KMT2E: variants seen among roughly 807,000 people sequenced by gnomAD.
The protein encoded by KMT2E is histone reader KMT2E.
In KMT2E, 30 loss-of-function variants were observed where a neutral mutation model predicts 184.6. That is an observed-to-expected ratio of 0.16 (90% CI 0.12 to 0.22). KMT2E has a LOEUF of 0.22. Among genes scored for constraint, KMT2E ranks in the 10% least tolerant of loss-of-function variants. The probability of loss-of-function intolerance (pLI) is 1.00; values close to 1 mark genes in which losing one functional copy is unlikely to be tolerated. For missense variants in KMT2E, 2,023 were observed against 2,237.4 expected (o/e 0.90, Z 1.93); for synonymous variants, 815 against 776.5 (o/e 1.05, Z -0.82).
intron 6 of KMT2E, among the ~76,000 whole-genome samples, chr7:105,071,534 T>A (rs1297225916): frequency 3.5e-5 from 5 of 142,856 alleles, no homozygotes; most frequent in African/African-American, 1.3e-4. Flanking sequence ...CCCTGCTAAT[T>A]TGTGTGTGTA....
chr7:105,110,457 C>G lies in KMT2E; in HGVS notation c.3845-20C>G. On this transcript the variant is annotated intron_variant, in intron 24 of 26. Transcript: ENST00000311117. ...TGCAGCTCTAATGTTCTCTTTGGGT[C>G]TGCTCTGCTTCATCTCTAGGGGGAG... 1.2e-6 allele frequency: 2 copies of G among 1,614,134 alleles called. No individual in the cohort carries two copies. Among genetic ancestry groups the G allele is most frequent in the East Asian group, 2.2e-5 (1 of 44,878 alleles).
At chr7:105,076,939 C>T (rs187849387) in intron 9 of KMT2E, 24 bp from the exon 10 acceptor site, 6 of 1,327,614 alleles carry the variant, frequency 4.5e-6, no homozygotes, top group Non-Finnish European at 6.4e-6. Flanking sequence ...AGTCCAGATA[C>T]TAAAGCTCAG....
chr7:105,057,971 C>T (rs1404843885), intron 3 of KMT2E, among the ~76,000 whole-genome samples: 1 of 152,194 alleles, frequency 6.6e-6, no homozygotes, highest in Non-Finnish European at 1.5e-5. Context: ...GAAATTCACA[C>T]ATTGCGTTTG....
At chr7:105,101,650 GCATT>G (rs1798660441) in intron 16 of KMT2E, 61 bp downstream of exon 16, 3 of 1,304,934 alleles carry the variant, frequency 2.3e-6, no homozygotes, top group African/African-American at 1.6e-5. Context: ...GTCTATACTT[GCATT>G]AATTACTTAT....
At position 105,106,595 on chromosome 7, in the gene KMT2E, T is replaced by A; in HGVS notation, c.2670T>A (p.Pro890=). The change falls in exon 20 of 27, where the codon CCT becomes CCA. Residue 890 remains proline, a synonymous_variant. Transcript: ENST00000311117. ...LDSVYSETST[P]TPSPYATPTH... ...CGGTTTACTCAGAAACCTCCACACC[T>A]ACTCCTTCCCCGTATGCTACACCAA... 6.2e-7 allele frequency: 1 copy of A among 1,613,798 alleles called. No individual in the cohort carries two copies. Among genetic ancestry groups the A allele is most frequent in the Non-Finnish European group, 8.5e-7 (1 of 1,179,700 alleles).
chr7:105,016,818 C>G (rs1285431726), intron 1 of KMT2E, among the ~76,000 whole-genome samples: 1 of 152,150 alleles, frequency 6.6e-6, no homozygotes, highest in Non-Finnish European at 1.5e-5. Flanking sequence ...GCATTTACTT[C>G]ATATGGTGAC....
intron 1 of KMT2E, among the ~76,000 whole-genome samples, chr7:105,023,736 T>C (rs983461787): frequency 6.6e-6 from 1 of 152,188 alleles, no homozygotes; most frequent in Non-Finnish European, 1.5e-5. Context: ...TGAGCCACTG[T>C]GCCCGGCTCC....
At chr7:105,062,111 T>C (rs1255732042) in intron 3 of KMT2E, 53 bp from the exon 4 acceptor site, 2 of 1,118,962 alleles carry the variant, frequency 1.8e-6, no homozygotes, top group Non-Finnish European at 2.7e-6. Flanking sequence ...TTAAATTGAT[T>C]AAGAGGAAAA....
intron 1 of KMT2E, among the ~76,000 whole-genome samples, chr7:105,023,073 T>C (rs1795018754): frequency 6.6e-6 from 1 of 152,228 alleles, no homozygotes; most frequent in Non-Finnish European, 1.5e-5. Context: ...TTCTAGTTCC[T>C]TATTTAGTCT....
intron 1 of KMT2E, among the ~76,000 whole-genome samples, chr7:105,019,764 C>G (rs1444437062): frequency 1.3e-5 from 2 of 151,976 alleles, no homozygotes; most frequent in Non-Finnish European, 2.9e-5. Flanking sequence ...TAGAGTTAAT[C>G]CAAAGGAAGA....
At chr7:105,061,745 A>G (rs960322502) in intron 3 of KMT2E, among the ~76,000 whole-genome samples, 2 of 152,156 alleles carry the variant, frequency 1.3e-5, no homozygotes, top group African/African-American at 4.8e-5. Flanking sequence ...CACTCAACAC[A>G]TGCATATATT....
At chr7:105,075,989 A>T (rs1787867413) in intron 8 of KMT2E, 54 bp from the exon 9 acceptor site, 1 of 1,363,872 alleles carries the variant, frequency 7.3e-7, no homozygotes. Flanking sequence ...ATTCTTAAAT[A>T]TTAATTATGT....
chr7:105,017,436 T>G (rs1403254288), intron 1 of KMT2E, among the ~76,000 whole-genome samples: 8 of 150,564 alleles, frequency 5.3e-5, no homozygotes, highest in African/African-American at 1.5e-4. Context: ...TGTTTTTTGT[T>G]TTTTTTTTTG....
At chr7:105,026,213 A>G (rs1413271749) in intron 1 of KMT2E, among the ~76,000 whole-genome samples, 2 of 152,206 alleles carry the variant, frequency 1.3e-5, no homozygotes, top group Non-Finnish European at 2.9e-5. Flanking sequence ...ATCCAATTAC[A>G]TACTGTAACT....
intron 3 of KMT2E, among the ~76,000 whole-genome samples, 183 bp downstream of exon 3, chr7:105,041,206 T>G (rs1159898982): frequency 1.3e-5 from 2 of 152,160 alleles, no homozygotes; most frequent in Non-Finnish European, 2.9e-5. Flanking sequence ...TTGCTATCTT[T>G]GTTTTCCTTT....
rs1057034470 is a variant in KMT2E at position 105,079,491 on chromosome 7, A to G, written c.1248+528A>G. Among the ~76,000 whole-genome samples the G allele has an allele frequency of 4.8e-5, 7 of 144,976 alleles. No homozygotes were observed. In the East Asian group the frequency reaches 1.5e-3, roughly 30 times the overall value. On this transcript the variant is annotated intron_variant, in intron 12 of 26. Transcript: ENST00000311117. The stretch of plus-strand genomic sequence containing the variant: ...TTGAAGAAATGATGATGCTCCTTAT[A>G]AGAGGAAATATTGGACTTCCTTTTT...
chr7:105,040,760 A>G, intron 2 of KMT2E, 79 bp from the exon 3 acceptor site: 2 of 383,390 alleles, frequency 5.2e-6, no homozygotes, highest in Non-Finnish European at 4.6e-6. Context: ...AGATTTTAAT[A>G]AAGAATGTTT....
Position 105,106,648 on chromosome 7 carries a change from C to T in KMT2E, c.2723C>T (p.Pro908Leu), listed in dbSNP as rs1316198786. The T allele has an allele frequency of 1.2e-6, 2 of 1,614,100 alleles. No homozygotes were observed. Among genetic ancestry groups the T allele is most frequent in the African/African-American group, 2.7e-5 (2 of 75,044 alleles). ...PTHTDITPMDPSFATPPRIKS... is the reference protein window; with the variant it reads ...PTHTDITPMDLSFATPPRIKS... ...CACACCGATATTACTCCTATGGACC[C>T]ATCTTTTGCCACGCCTCCACGGATA... Residue 908 changes from proline (P) to leucine (L), a missense_variant, in exon 20 of 27, where the codon CCA becomes CTA. Pro to Leu is a moderately conservative substitution (Grantham distance 98). Around this residue, in one of 8 missense-constraint regions of KMT2E, gnomAD observed 514 missense variants for 621.8 expected, o/e 0.83. Coordinates refer to ENST00000311117, the MANE Select transcript of KMT2E (RefSeq NM_182931.3).
At chr7:105,100,846 AAAGAGAG>A (rs2129569453) in intron 15 of KMT2E, among the ~76,000 whole-genome samples, 1 of 152,304 alleles carries the variant, frequency 6.6e-6, no homozygotes, top group East Asian at 1.9e-4. Context: ...CCAGACTTGA[AAAGAGAG>A]AAGAGAACAA....
Sources: allele counts gnomAD v4.1 joint callset (sites outside exome capture counted in the v4.1 genomes callset), GRCh38; gene constraint gnomAD v4.1.1; regional missense constraint gnomAD v4.1.1; transcripts MANE v1.5; gene names NCBI Gene and HGNC (gene_info 2026-07-23, HGNC 2026-07-21).